NUBPL: variants seen among roughly 807,000 people sequenced by gnomAD.
NUBPL encodes NUBP iron-sulfur cluster assembly factor, mitochondrial, also known as iron-sulfur cluster transfer protein NUBPL.
A neutral mutation model predicts 45.7 loss-of-function variants in NUBPL; 31 were observed. That is an observed-to-expected ratio of 0.68 (90% CI 0.51 to 0.92). The LOEUF is 0.92. Among genes scored for constraint, NUBPL ranks in the 40% least tolerant of loss-of-function variants. The pLI is 0.00. For missense variants in NUBPL, 401 were observed against 398.7 expected, an observed-to-expected ratio of 1.01 and a Z score of -0.05; for synonymous variants, 144 against 140.9, an observed-to-expected ratio of 1.02 and a Z score of -0.15.
intron 7 of NUBPL, among the ~76,000 whole-genome samples, chr14:31,814,384 T>A (rs1259819745): frequency 6.6e-6 from 1 of 152,208 alleles, no homozygotes; most frequent in Non-Finnish European, 1.5e-5. Context: ...TGCAGTTGTT[T>A]GTTTTTTTCT....
intron 6 of NUBPL, among the ~76,000 whole-genome samples, chr14:31,708,995 C>T (rs934461391): frequency 3.3e-5 from 5 of 152,172 alleles, no homozygotes; most frequent in African/African-American, 1.2e-4. Context: ...CTCTGAACCA[C>T]CAAGGTTTGT....
chr14:31,672,947 C>T (rs1476771608), intron 4 of NUBPL, among the ~76,000 whole-genome samples: 1 of 152,032 alleles, frequency 6.6e-6, no homozygotes, highest in South Asian at 2.1e-4. Flanking sequence ...TTCTTTGATC[C>T]TGGAAGGATG....
chr14:31,803,662 A>G lies in NUBPL; in HGVS notation c.607+15789A>G, dbSNP rs548747278. On this transcript the variant is annotated intron_variant, in intron 7 of 10. Transcript: ENST00000281081. ...TGTTGGGCAGAGTTGTAATTAATAG[A>G]TACTTGGCAAGAGTTGCATGATGTA... Among the ~76,000 whole-genome samples the G allele has an allele frequency of 5.3e-5, 8 of 152,306 alleles. No homozygotes were observed. In the South Asian group the frequency reaches 1.4e-3, roughly 28 times the overall value.
chr14:31,635,502 A>G (rs1447728827), intron 4 of NUBPL, among the ~76,000 whole-genome samples: 1 of 152,004 alleles, frequency 6.6e-6, no homozygotes, highest in African/African-American at 2.4e-5. Flanking sequence ...GCCTTGTAGT[A>G]TAGTTTGAAG....
At chr14:31,814,144 C>T (rs1158718411) in intron 7 of NUBPL, among the ~76,000 whole-genome samples, 2 of 152,188 alleles carry the variant, frequency 1.3e-5, no homozygotes, top group Admixed American at 6.5e-5. Context: ...ATTTACACTC[C>T]CACCAACAGT....
intron 4 of NUBPL, among the ~76,000 whole-genome samples, chr14:31,645,151 C>T (rs1400123780): frequency 1.5e-4 from 23 of 151,578 alleles, no homozygotes; most frequent in African/African-American, 4.3e-4. Context: ...CTGCAAGCTC[C>T]GCCTCCCGGG....
intron 4 of NUBPL, among the ~76,000 whole-genome samples, chr14:31,602,255 G>A (rs11622262): frequency 0.3 from 45,076 of 151,654 alleles, 7,493 homozygotes; most frequent in South Asian, 0.4. Flanking sequence ...GGGAGGAGGG[G>A]GGAGGGATAG....
chr14:31,565,062 A>G lies in NUBPL; in HGVS notation c.291+14A>G. Reference sequence around the variant, plus strand: ...GCGAACGATTCGGTAGGTGTTTATTAATAGAAATATTAATTTATTAAAATG... The same window carrying G: ...GCGAACGATTCGGTAGGTGTTTATTGATAGAAATATTAATTTATTAAAATG... On this transcript the variant is annotated intron_variant, in intron 3 of 10. Transcript: ENST00000281081. 1 of 1,470,730 alleles carries G rather than the reference A, an allele frequency of 6.8e-7. No individual in the cohort carries two copies. The highest frequency in any genetic ancestry group is 9.4e-7 in the Non-Finnish European group (1 of 1,062,262). The allele number at this position is 1,470,730 out of a possible 1,614,324, so 91.1% of individuals were successfully genotyped here.
chr14:31,582,466 C>A (rs2033889874), intron 3 of NUBPL, among the ~76,000 whole-genome samples: 1 of 146,068 alleles, frequency 6.8e-6, no homozygotes, highest in African/African-American at 2.5e-5. Context: ...GATTAAGTTT[C>A]AAAAGAAGGA....
chr14:31,654,094 C>T (rs1043842310), intron 4 of NUBPL: 1 of 454,802 alleles, frequency 2.2e-6, no homozygotes, highest in African/African-American at 2.0e-5. Flanking sequence ...TGTTGCAGGT[C>T]TTGTTCCAGA....
At chr14:31,833,969 C>T (rs1250285737) in intron 8 of NUBPL, among the ~76,000 whole-genome samples, 1 of 152,144 alleles carries the variant, frequency 6.6e-6, no homozygotes, top group Non-Finnish European at 1.5e-5. Flanking sequence ...GTCTATACCA[C>T]ATTTGACCTG....
At chr14:31,654,584 A>G (rs2036096549) in intron 4 of NUBPL, among the ~76,000 whole-genome samples, 1 of 151,434 alleles carries the variant, frequency 6.6e-6, no homozygotes, top group South Asian at 2.1e-4. Context: ...AATTTTTTCT[A>G]TTTTTTAGTA....
chr14:31,681,343 A>G (rs1167993219), intron 6 of NUBPL, among the ~76,000 whole-genome samples: 2 of 151,934 alleles, frequency 1.3e-5, no homozygotes, highest in East Asian at 1.9e-4. Context: ...AAATTTGTTC[A>G]TAATATTTTC....
chr14:31,604,210 G>C (rs2034523697), intron 4 of NUBPL, among the ~76,000 whole-genome samples: 1 of 145,800 alleles, frequency 6.9e-6, no homozygotes, highest in African/African-American at 2.5e-5. Flanking sequence ...TTTCTCTGTT[G>C]ACAGGCTGAT....
intron 7 of NUBPL, among the ~76,000 whole-genome samples, chr14:31,820,551 C>T (rs771230696): frequency 4.6e-5 from 7 of 152,040 alleles, no homozygotes; most frequent in South Asian, 2.1e-4. Context: ...GGGCCGTGTG[C>T]GGTGGTGCAC....
chr14:31,643,899 G>A lies in NUBPL; in HGVS notation c.383-29456G>A, dbSNP rs543984812. Among the ~76,000 whole-genome samples, 10 of 151,928 alleles carry A rather than the reference G, an allele frequency of 6.6e-5. No individual in the cohort carries two copies. The South Asian group carries it at 1.5e-3, about 22-fold the overall frequency. On this transcript the variant is annotated intron_variant, in intron 4 of 10. Transcript: ENST00000281081. ...GTTGTATGTGTCCAGCAATTTATCCGTTTCTTGTAGGTTTTCCAATTTGTT... is the reference window on the plus strand; with the variant it reads ...GTTGTATGTGTCCAGCAATTTATCCATTTCTTGTAGGTTTTCCAATTTGTT...
At chr14:31,821,820 G>A (rs2138950904) in intron 7 of NUBPL, among the ~76,000 whole-genome samples, 2 of 152,362 alleles carry the variant, frequency 1.3e-5, no homozygotes, top group Middle Eastern at 6.8e-3. Context: ...TAAAGAAAAT[G>A]TGTTATTTAT....
At chr14:31,645,416 C>A (rs1221944118) in intron 4 of NUBPL, among the ~76,000 whole-genome samples, 3 of 152,148 alleles carry the variant, frequency 2.0e-5, no homozygotes, top group Non-Finnish European at 2.9e-5. Context: ...ATTTCTTTGT[C>A]TCTTCAGCCA....
At chr14:31,768,950 G>A (rs748204474) in intron 6 of NUBPL, among the ~76,000 whole-genome samples, 2 of 152,130 alleles carry the variant, frequency 1.3e-5, no homozygotes, top group Non-Finnish European at 2.9e-5. Context: ...TATAAGTAGA[G>A]AGTTTATTTG....
Sources: gnomAD v4.1 joint callset for allele counts (sites outside exome capture counted in the v4.1 genomes callset) on GRCh38, gnomAD v4.1.1 for gene constraint, MANE v1.5 for transcripts, NCBI Gene and HGNC (gene_info 2026-07-23, HGNC 2026-07-21) for gene names.